The following MSRB3 variants were observed in gnomAD, a reference collection of about 807,000 sequenced individuals.
The protein encoded by MSRB3 is methionine sulfoxide reductase B3.
In MSRB3, 13 loss-of-function variants were observed where a neutral mutation model predicts 21.0. The ratio of observed to expected loss-of-function variants is 0.62; its 90% CI spans 0.40 to 0.98. The LOEUF is 0.98. Among genes scored for constraint, MSRB3 ranks in the 50% least tolerant of loss-of-function variants. MSRB3 has a pLI of 0.00. For missense variants in MSRB3, 199 were observed against 230.3 expected, an observed-to-expected ratio of 0.86 and a Z score of 0.88; for synonymous variants, 87 against 88.6, an observed-to-expected ratio of 0.98 and a Z score of 0.10.
At chr12:65,425,628 C>G (rs994282365) in intron 5 of MSRB3, among the ~76,000 whole-genome samples, 2 of 151,968 alleles carry the variant, frequency 1.3e-5, no homozygotes, top group African/African-American at 2.4e-5. Flanking sequence ...TTACAAAATC[C>G]TACACTTTTG....
intron 5 of MSRB3, among the ~76,000 whole-genome samples, chr12:65,398,882 G>A (rs1186498548): frequency 6.6e-6 from 1 of 152,124 alleles, no homozygotes; most frequent in Non-Finnish European, 1.5e-5. Flanking sequence ...CCCATTGCTT[G>A]TTTTTGTCAG....
At chr12:65,355,170 G>C (rs1259906877) in intron 4 of MSRB3, among the ~76,000 whole-genome samples, 2 of 151,792 alleles carry the variant, frequency 1.3e-5, no homozygotes, top group Admixed American at 6.6e-5. Flanking sequence ...AATTGTGTTA[G>C]ATTTTTTTAG....
At chr12:65,344,280 C>T (rs1472429729) in intron 4 of MSRB3, 3 of 151,892 alleles carry the variant, frequency 2.0e-5, no homozygotes. Flanking sequence ...TTGTTTACTG[C>T]ATCATATTCT....
intron 4 of MSRB3, among the ~76,000 whole-genome samples, chr12:65,357,507 A>G (rs11175735): frequency 0.19 from 28,920 of 152,040 alleles, 2,913 homozygotes; most frequent in Admixed American, 0.21. Flanking sequence ...TGTTATAATT[A>G]TAAATGAATA....
chr12:65,418,651 G>GT (rs375843920), intron 5 of MSRB3: 50,089 of 459,468 alleles, frequency 0.11, no homozygotes, highest in South Asian at 0.14. Context: ...TCCATTTTGA[G>GT]TTTTTTTTTT....
intron 5 of MSRB3, among the ~76,000 whole-genome samples, chr12:65,434,416 C>T (rs927790924): frequency 1.3e-5 from 2 of 151,900 alleles, no homozygotes; most frequent in African/African-American, 4.8e-5. Flanking sequence ...GAAGATAAGT[C>T]TAACATGGTA....
intron 5 of MSRB3, among the ~76,000 whole-genome samples, chr12:65,379,434 T>C (rs1878822181): frequency 6.6e-6 from 1 of 152,176 alleles, no homozygotes; most frequent in Non-Finnish European, 1.5e-5. Context: ...CATGTCAGTA[T>C]ACTTAAATTA....
intron 5 of MSRB3, chr12:65,419,507 G>T: frequency 1.3e-6 from 1 of 740,854 alleles, no homozygotes; most frequent in Non-Finnish European, 2.5e-6. Flanking sequence ...CGCATGGCCA[G>T]CTCTGTGTCA....
chr12:65,317,628 T>G (rs903171417), intron 2 of MSRB3, among the ~76,000 whole-genome samples: 1 of 152,134 alleles, frequency 6.6e-6, no homozygotes, highest in African/African-American at 2.4e-5. Context: ...TCTTATAGTC[T>G]TAAATCCAGA....
At chr12:65,404,477 A>G (rs764827778) in intron 5 of MSRB3, among the ~76,000 whole-genome samples, 1 of 152,196 alleles carries the variant, frequency 6.6e-6, no homozygotes, top group Non-Finnish European at 1.5e-5. Flanking sequence ...TTATGAACAA[A>G]CTGCTATCCA....
chr12:65,293,895 A>G (rs1265090581), intron 1 of MSRB3, among the ~76,000 whole-genome samples: 1 of 152,190 alleles, frequency 6.6e-6, no homozygotes, highest in Non-Finnish European at 1.5e-5. Flanking sequence ...TTTCAGTGTG[A>G]CAAAAGAGGA....
At chr12:65,378,334 G>C (rs772876233) in intron 5 of MSRB3, among the ~76,000 whole-genome samples, 71 of 152,214 alleles carry the variant, frequency 4.7e-4, no homozygotes, top group Middle Eastern at 6.8e-3. Context: ...TCACAATAAT[G>C]CAGTATAATA....
At chr12:65,444,590 C>G (rs183328984) in intron 5 of MSRB3, among the ~76,000 whole-genome samples, 1 of 152,102 alleles carries the variant, frequency 6.6e-6, no homozygotes, top group African/African-American at 2.4e-5. Context: ...TTCCAAATAT[C>G]TTAAAATAAA....
chr12:65,442,928 G>A (rs1317310313), intron 5 of MSRB3, among the ~76,000 whole-genome samples: 2 of 152,062 alleles, frequency 1.3e-5, no homozygotes, highest in East Asian at 3.8e-4. Context: ...TCAGGCCAGG[G>A]AAAATAAAAT....
At chr12:65,287,617 C>T (rs1872445587) in intron 1 of MSRB3, among the ~76,000 whole-genome samples, 1 of 152,122 alleles carries the variant, frequency 6.6e-6, no homozygotes, top group Admixed American at 6.5e-5. Context: ...TGAAAAGCCA[C>T]AAGTTGTTTT....
chr12:65,400,976 T>G (rs909053251), intron 5 of MSRB3, among the ~76,000 whole-genome samples: 1 of 152,266 alleles, frequency 6.6e-6, no homozygotes. Context: ...TCTGAGAGAC[T>G]GTTTGTTATG....
chr12:65,425,595 A>G (rs1049673426), intron 5 of MSRB3, among the ~76,000 whole-genome samples: 8 of 152,138 alleles, frequency 5.3e-5, no homozygotes, highest in African/African-American at 1.9e-4. Flanking sequence ...TTTAAGGCTG[A>G]TAACAAGTTA....
chr12:65,458,725 T>C (rs1408474848), intron 6 of MSRB3, among the ~76,000 whole-genome samples: 1 of 152,200 alleles, frequency 6.6e-6, no homozygotes. Context: ...CCAAAGAGGA[T>C]CTTCATCTTA....
intron 5 of MSRB3, among the ~76,000 whole-genome samples, chr12:65,375,790 T>C (rs1878577735): frequency 1.3e-5 from 2 of 152,146 alleles, no homozygotes; most frequent in Non-Finnish European, 2.9e-5. Context: ...ACATGATAGT[T>C]ACTTAGGAAG....
Sources: allele counts gnomAD v4.1 joint callset (sites outside exome capture counted in the v4.1 genomes callset), GRCh38; gene constraint gnomAD v4.1.1; transcripts MANE v1.5; gene names NCBI Gene and HGNC (gene_info 2026-07-23, HGNC 2026-07-21).